RHOBTB1: variants seen among roughly 807,000 people sequenced by gnomAD.
RHOBTB1 encodes the protein Rho related BTB domain containing 1, also known as rho-related BTB domain-containing protein 1.
Under a neutral mutation model 71.6 loss-of-function variants are expected in RHOBTB1, and 40 were observed. The ratio of observed to expected loss-of-function variants is 0.56; its 90% CI spans 0.43 to 0.73. The LOEUF (loss-of-function observed/expected upper bound fraction) is 0.73. RHOBTB1 is among the 30% of genes least tolerant of loss of function. RHOBTB1 has a pLI of 0.00. For synonymous variants in RHOBTB1, 319 were observed against 334.9 expected, an observed-to-expected ratio of 0.95 and a Z score of 0.52; for missense variants, 797 against 894.0, an observed-to-expected ratio of 0.89 and a Z score of 1.38.
At chr10:60,982,375 C>T (rs1176066298) in intron 2 of RHOBTB1, among the ~76,000 whole-genome samples, 2 of 152,156 alleles carry the variant, frequency 1.3e-5, no homozygotes, top group Non-Finnish European at 2.9e-5. Context: ...CAAATGACAA[C>T]AGTAACAACA....
chr10:60,973,614 A>T (rs1200215795), intron 2 of RHOBTB1, among the ~76,000 whole-genome samples: 2 of 152,132 alleles, frequency 1.3e-5, no homozygotes, highest in Non-Finnish European at 2.9e-5. Flanking sequence ...GCCATCAGTA[A>T]CACAGAAGGC....
At chr10:60,892,444 CTAAG>C (rs2081969116) in intron 5 of RHOBTB1, among the ~76,000 whole-genome samples, 1 of 152,164 alleles carries the variant, frequency 6.6e-6, no homozygotes, top group African/African-American at 2.4e-5. Context: ...CCAGATACCT[CTAAG>C]TGTTAACTAA....
chr10:60,975,718 A>G, intron 2 of RHOBTB1, among the ~76,000 whole-genome samples: 1 of 152,104 alleles, frequency 6.6e-6, no homozygotes, highest in East Asian at 1.9e-4. Context: ...ATGGTTTTTC[A>G]GTTTTTCCAT....
chr10:60,924,561 A>G (rs768861255), intron 2 of RHOBTB1, among the ~76,000 whole-genome samples: 19 of 152,190 alleles, frequency 1.2e-4, no homozygotes, highest in Non-Finnish European at 2.4e-4. Flanking sequence ...GGACTTCAGT[A>G]TCCCACCTTC....
intron 2 of RHOBTB1, among the ~76,000 whole-genome samples, chr10:60,937,147 A>T (rs1022899278): frequency 2.0e-5 from 3 of 152,190 alleles, no homozygotes; most frequent in African/African-American, 7.2e-5. Context: ...GTTGGCAAGG[A>T]CTCGGTTCCA....
chr10:60,968,187 C>T (rs1377097945), intron 2 of RHOBTB1, among the ~76,000 whole-genome samples: 1 of 152,118 alleles, frequency 6.6e-6, no homozygotes, highest in Non-Finnish European at 1.5e-5. Flanking sequence ...AACTGGTGCT[C>T]AATGTGTCTC....
intron 2 of RHOBTB1, among the ~76,000 whole-genome samples, chr10:60,968,640 T>C (rs1001199244): frequency 1.3e-5 from 2 of 152,106 alleles, no homozygotes; most frequent in African/African-American, 4.8e-5. Flanking sequence ...GGGAGGGAGA[T>C]AGTTTCTCAA....
At chr10:60,862,536 C>CCCTT in the RHOBTB1 span, among the ~76,000 whole-genome samples, 12 of 104,094 alleles carry the variant, frequency 1.2e-4, no homozygotes, top group South Asian at 6.2e-4. Context: ...CCCTTTCTTT[C>CCCTT]TCTTTCTTTC....
chr10:60,890,497 A>G (rs1364831794), intron 5 of RHOBTB1, among the ~76,000 whole-genome samples: 3 of 152,278 alleles, frequency 2.0e-5, no homozygotes, highest in African/African-American at 7.2e-5. Context: ...CTTTGGAAAC[A>G]GTAGATGCAG....
chr10:60,912,289 A>G (rs1018535522), intron 2 of RHOBTB1, among the ~76,000 whole-genome samples: 12 of 152,088 alleles, frequency 7.9e-5, no homozygotes, highest in Non-Finnish European at 1.5e-4. Context: ...GCACAAGCAC[A>G]GTGGTGCAAT....
intron 2 of RHOBTB1, among the ~76,000 whole-genome samples, chr10:60,925,571 T>C (rs895542557): frequency 6.6e-6 from 1 of 151,480 alleles, no homozygotes; most frequent in Admixed American, 6.6e-5. Context: ...GAAGAATTAA[T>C]AAAGATCGGA....
intron 2 of RHOBTB1, among the ~76,000 whole-genome samples, chr10:60,918,120 G>T (rs1409694158): frequency 6.6e-6 from 1 of 152,162 alleles, no homozygotes; most frequent in African/African-American, 2.4e-5. Context: ...GTGGGGCATA[G>T]CTATTTGCTA....
chr10:60,888,142 C>T, intron 6 of RHOBTB1, 70 bp downstream of exon 6: 9 of 1,514,786 alleles, frequency 5.9e-6, no homozygotes, highest in South Asian at 5.2e-5. Flanking sequence ...CTTTCTCCTG[C>T]TCATGTCTGG....
chr10:60,890,339 A>G (rs1589205804), intron 5 of RHOBTB1, among the ~76,000 whole-genome samples: 3 of 152,054 alleles, frequency 2.0e-5, no homozygotes, highest in East Asian at 1.9e-4. Context: ...CTGCTGCAAG[A>G]AAAGTCTTTA....
chr10:60,925,043 G>A (rs73266015), intron 2 of RHOBTB1, among the ~76,000 whole-genome samples: 8,999 of 152,160 alleles, frequency 0.059, 524 homozygotes, highest in African/African-American at 0.15. Flanking sequence ...CTTGCTCTCA[G>A]TTCACACAAG....
At chr10:60,878,505 A>G (rs765801957) in intron 7 of RHOBTB1, among the ~76,000 whole-genome samples, 40 of 152,246 alleles carry the variant, frequency 2.6e-4, no homozygotes, top group South Asian at 2.1e-4. Context: ...CAACCACCCT[A>G]GCTGCCACAG....
chr10:60,909,817 C>T (rs995407980), intron 4 of RHOBTB1, among the ~76,000 whole-genome samples: 9 of 152,130 alleles, frequency 5.9e-5, no homozygotes, highest in Non-Finnish European at 1.3e-4. Flanking sequence ...CTCTGAGTCC[C>T]CTTGAAAGAA....
At chr10:60,928,995 G>A (rs993550715) in intron 2 of RHOBTB1, among the ~76,000 whole-genome samples, 7 of 152,148 alleles carry the variant, frequency 4.6e-5, no homozygotes, top group African/African-American at 1.7e-4. Flanking sequence ...GGGGAAGCAA[G>A]CATGTCTTCA....
At chr10:60,917,519 C>CT (rs2083329979) in intron 2 of RHOBTB1, among the ~76,000 whole-genome samples, 1 of 152,162 alleles carries the variant, frequency 6.6e-6, no homozygotes, top group Non-Finnish European at 1.5e-5. Context: ...GGTGAGGGCT[C>CT]TCTTCCTGGC....
Sources: allele counts gnomAD v4.1 joint callset (sites outside exome capture counted in the v4.1 genomes callset), GRCh38; gene constraint gnomAD v4.1.1; transcripts MANE v1.5; gene names NCBI Gene and HGNC (gene_info 2026-07-23, HGNC 2026-07-21).